Variants in ALK observed in about 807,000 individuals in gnomAD.
ALK encodes ALK tyrosine kinase receptor.
In ALK, 74 loss-of-function variants were observed where a neutral mutation model predicts 163.1. The ratio of observed to expected loss-of-function variants is 0.45; its 90% confidence interval spans 0.38 to 0.55. ALK has a LOEUF of 0.55. Ranked by LOEUF, ALK falls within the 20% of genes least tolerant of loss-of-function variation. The pLI is 0.00. For missense variants in ALK, 2,063 were observed against 2,105.3 expected (o/e 0.98, Z 0.39); for synonymous variants, 960 against 843.2 (o/e 1.14, Z -2.40).
intron 1 of ALK, among the ~76,000 whole-genome samples, chr2:29,896,632 T>C (rs145395502): frequency 0.023 from 3,573 of 152,124 alleles, 74 homozygotes; most frequent in Middle Eastern, 0.068. Context: ...TGTGAGAAAA[T>C]AAATTTCTGC....
At position 29,830,303 on chromosome 2, in the gene ALK, G is replaced by T. The variant is rs1266344526; in HGVS notation, c.667+89690C>A. Among the ~76,000 whole-genome samples the T allele has an allele frequency of 2.0e-5, 3 of 152,190 alleles. No homozygotes were observed. In the East Asian group the frequency reaches 5.8e-4, roughly 29 times the overall value. Reference sequence around the variant, plus strand: ...TTATTCCCAATCTTCAAAAAGTAGGGTTGTTGCTAACGTAATCTAGGAGAA... The same window carrying T: ...TTATTCCCAATCTTCAAAAAGTAGGTTTGTTGCTAACGTAATCTAGGAGAA... On this transcript the variant is annotated intron_variant, in intron 1 of 28. Transcript: ENST00000389048.
At chr2:29,632,904 A>C (rs1302309876) in intron 3 of ALK, among the ~76,000 whole-genome samples, 1 of 152,206 alleles carries the variant, frequency 6.6e-6, no homozygotes, top group African/African-American at 2.4e-5. Context: ...CCATGAGAAC[A>C]GTATGGGGGA....
chr2:29,580,628 T>C (rs1041500496), intron 3 of ALK, among the ~76,000 whole-genome samples: 1 of 152,210 alleles, frequency 6.6e-6, no homozygotes, highest in African/African-American at 2.4e-5. Context: ...ATAAGGAAGA[T>C]GAGCAACATG....
intron 4 of ALK, among the ~76,000 whole-genome samples, chr2:29,512,099 G>C (rs1672537148): frequency 6.6e-6 from 1 of 151,968 alleles, no homozygotes; most frequent in African/African-American, 2.4e-5. Context: ...TATAGTTTAT[G>C]CTTTTTGTAT....
chr2:29,291,846 G>A (rs1349054348), intron 9 of ALK, among the ~76,000 whole-genome samples: 2 of 152,140 alleles, frequency 1.3e-5, no homozygotes, highest in Non-Finnish European at 2.9e-5. Flanking sequence ...AATAAAAGAC[G>A]CTCTTCAATG....
At chr2:29,679,650 T>C (rs558841160) in intron 3 of ALK, among the ~76,000 whole-genome samples, 28 of 152,126 alleles carry the variant, frequency 1.8e-4, no homozygotes, top group Non-Finnish European at 3.2e-4. Context: ...TATACATCTA[T>C]ATATGTTATC....
chr2:29,777,678 A>G (rs1374258401), intron 1 of ALK, among the ~76,000 whole-genome samples: 1 of 152,196 alleles, frequency 6.6e-6, no homozygotes, highest in Non-Finnish European at 1.5e-5. Context: ...GAACATACCT[A>G]CAGATCACCT....
chr2:29,754,572 C>T (rs1444210048), intron 1 of ALK, among the ~76,000 whole-genome samples: 2 of 152,092 alleles, frequency 1.3e-5, no homozygotes, highest in Admixed American at 6.5e-5. Context: ...TGCCTGTGGT[C>T]CCAGCTACAT....
intron 1 of ALK, among the ~76,000 whole-genome samples, chr2:29,790,779 T>C (rs1664167438): frequency 6.6e-6 from 1 of 152,224 alleles, no homozygotes; most frequent in African/African-American, 2.4e-5. Context: ...AGATGAGGTT[T>C]CACCATGTTG....
intron 3 of ALK, among the ~76,000 whole-genome samples, chr2:29,593,144 C>T (rs1007653771): frequency 6.6e-5 from 10 of 152,212 alleles, no homozygotes; most frequent in African/African-American, 7.2e-5. Context: ...CCACAGGTTA[C>T]GTTACGCCAG....
chr2:29,912,810 A>G (rs1191935032), intron 1 of ALK, among the ~76,000 whole-genome samples: 1 of 152,158 alleles, frequency 6.6e-6, no homozygotes, highest in East Asian at 1.9e-4. Flanking sequence ...TCGAGCTCCT[A>G]ATCTAGTGTT....
At chr2:29,638,526 G>A (rs372261463) in intron 3 of ALK, among the ~76,000 whole-genome samples, 1 of 151,520 alleles carries the variant, frequency 6.6e-6, no homozygotes. Context: ...GGGTGGGGGT[G>A]GGGGGAGATG....
At chr2:29,303,294 C>A (rs150824128) in intron 8 of ALK, among the ~76,000 whole-genome samples, 1 of 152,072 alleles carries the variant, frequency 6.6e-6, no homozygotes, top group Non-Finnish European at 1.5e-5. Context: ...TGCTCAACAA[C>A]GCTAACCACC....
intron 1 of ALK, among the ~76,000 whole-genome samples, chr2:29,727,609 G>C (rs79489052): frequency 0.014 from 2,154 of 152,286 alleles, 19 homozygotes; most frequent in Non-Finnish European, 0.021. Context: ...AAGCCCTCAG[G>C]CTCTTTTGAA....
rs374135358 is a variant in ALK, at chr2:29,193,697, G to C, written c.4390C>G (p.Arg1464Gly). 28 of 1,612,232 alleles carry C rather than the reference G, an allele frequency of 1.7e-5. No individual in the cohort carries two copies. Among genetic ancestry groups the C allele is most frequent in the Non-Finnish European group, 2.4e-5 (28 of 1,178,674 alleles). Residue 1464 changes from arginine (R) to glycine (G), a missense_variant, in exon 29 of 29, where the codon CGA (arginine) becomes GGA (glycine). By Grantham distance (125) the Arg-to-Gly change is moderately radical. Transcript: ENST00000389048. ...TCCACGGCCGGCCCTCTAGGGACTC[G>C]AACAGAGATCTCTGCAGCTGTGGGT... ...KKPTAAEISV[R>G]VPRGPAVEGG... is the part of the protein sequence containing the mutation.
chr2:29,650,580 C>T (rs1192550742), intron 3 of ALK, among the ~76,000 whole-genome samples: 1 of 152,048 alleles, frequency 6.6e-6, no homozygotes, highest in Admixed American at 6.5e-5. Flanking sequence ...AGTTTCTAAC[C>T]TAATCTTATT....
chr2:29,495,206 G>C (rs1671995795), intron 4 of ALK, among the ~76,000 whole-genome samples: 1 of 152,140 alleles, frequency 6.6e-6, no homozygotes, highest in African/African-American at 2.4e-5. Flanking sequence ...CTCCTTCCCT[G>C]CCTGCTTCGT....
At chr2:29,405,621 A>G (rs184059335) in intron 4 of ALK, among the ~76,000 whole-genome samples, 3 of 152,236 alleles carry the variant, frequency 2.0e-5, no homozygotes, top group Admixed American at 2.0e-4. Context: ...TCCTTTACCT[A>G]TTTATTTTGT....
intron 6 of ALK, among the ~76,000 whole-genome samples, chr2:29,322,586 C>G (rs1667094825): frequency 6.6e-6 from 1 of 152,352 alleles, no homozygotes; most frequent in East Asian, 1.9e-4. Context: ...GCAATCCCAG[C>G]ACTTTGGGAG....
Sources: allele counts gnomAD v4.1 joint callset (sites outside exome capture counted in the v4.1 genomes callset), GRCh38; gene constraint gnomAD v4.1.1; transcripts MANE v1.5; gene names NCBI Gene and HGNC (gene_info 2026-07-23, HGNC 2026-07-21).